CCDC30: variants seen among roughly 807,000 people sequenced by gnomAD.
CCDC30 encodes coiled-coil domain containing 30.
In CCDC30, 70 loss-of-function variants were observed where a neutral mutation model predicts 100.2. That is an observed-to-expected ratio of 0.70 (90% CI 0.58 to 0.85). CCDC30 has a LOEUF of 0.85. Among genes scored for constraint, CCDC30 ranks in the 40% least tolerant of loss-of-function variants. CCDC30 has a pLI of 0.00. For synonymous variants in CCDC30, 233 were observed against 269.5 expected, an observed-to-expected ratio of 0.86 and a Z score of 1.33; for missense variants, 652 against 771.2, an observed-to-expected ratio of 0.85 and a Z score of 1.83.
intron 11 of CCDC30, among the ~76,000 whole-genome samples, chr1:42,615,666 G>C (rs1316028809): frequency 1.3e-5 from 2 of 152,064 alleles, no homozygotes; most frequent in Non-Finnish European, 2.9e-5. Context: ...AGGAACAATG[G>C]GGATGCAAAT....
At chr1:42,656,698 A>G (rs1648675231), downstream of CCDC30, among the ~76,000 whole-genome samples, 1 of 152,212 alleles carries the variant, frequency 6.6e-6, no homozygotes, top group Non-Finnish European at 1.5e-5. Flanking sequence ...CTGTTTTCAT[A>G]GTCAAGTTAC....
exon 17 of CCDC30, chr1:42,654,049 A>G (rs1305372922): frequency 6.4e-7 from 1 of 1,571,136 alleles, no homozygotes; most frequent in Non-Finnish European, 8.8e-7. Context: ...GCCTAAAGCT[A>G]TACTGAACAA....
chr1:42,498,988 G>A, intron 6 of CCDC30, 72 bp downstream of exon 6: 1 of 716,916 alleles, frequency 1.4e-6, no homozygotes, highest in Non-Finnish European at 1.9e-6. Flanking sequence ...GTATACTAGA[G>A]TGATTGGTGC....
chr1:42,493,457 G>A (rs573598901), intron 4 of CCDC30, among the ~76,000 whole-genome samples: 54 of 152,106 alleles, frequency 3.6e-4, no homozygotes, highest in Admixed American at 1.2e-3. Context: ...GTGTGGTGGC[G>A]CATGCCTGTA....
chr1:42,469,716 A>T (rs1343367138), intron 1 of CCDC30, among the ~76,000 whole-genome samples: 1 of 152,036 alleles, frequency 6.6e-6, no homozygotes, highest in African/African-American at 2.4e-5. Flanking sequence ...AGAGGACAAG[A>T]TTGGTAAAGA....
At chr1:42,463,427 G>A (rs1643469718) in exon 1 of CCDC30, 1 of 152,286 alleles carries the variant, frequency 6.6e-6, no homozygotes, top group Non-Finnish European at 1.5e-5. Flanking sequence ...CCCCAAGGAG[G>A]AAAGCACCCA....
intron 3 of CCDC30, 54 bp from the exon 4 acceptor site, chr1:42,490,104 G>C (rs1644114513): frequency 3.0e-6 from 2 of 663,630 alleles, no homozygotes; most frequent in Non-Finnish European, 4.2e-6. Flanking sequence ...TTTGAAATTT[G>C]ATTATTATAC....
At chr1:42,642,021 C>A (rs2147313) in intron 12 of CCDC30, among the ~76,000 whole-genome samples, 71,957 of 151,768 alleles carry the variant, frequency 0.47, 17,205 homozygotes, top group South Asian at 0.55. Context: ...GTCAGGAGAT[C>A]GAGACCATCC....
chr1:42,556,104 C>G, intron 6 of CCDC30, 52 bp from the exon 10 acceptor site: 4 of 1,536,086 alleles, frequency 2.6e-6, no homozygotes, highest in Non-Finnish European at 3.5e-6. Context: ...TTTCCCGATT[C>G]TACTACTATA....
rs1042001336 is a variant in CCDC30 at position 42,607,570 on chromosome 1, A to G, written c.1165-3408A>G. ...CTTGTCTCTATAAAAAAAAAAAAAAAAAAGAAAGGAAGGAAGAAAATCATT... is the reference window on the plus strand; with the variant it reads ...CTTGTCTCTATAAAAAAAAAAAAAAGAAAGAAAGGAAGGAAGAAAATCATT... On this transcript the variant is annotated intron_variant, in intron 10 of 16. Transcript: ENST00000668663. Among the ~76,000 whole-genome samples the G allele has an allele frequency of 1.9e-3, 296 of 151,968 alleles. 1 individual carries two copies. Among genetic ancestry groups the G allele is most frequent in the African/African-American group, 4.7e-3 (194 of 41,466 alleles).
intron 1 of CCDC30, among the ~76,000 whole-genome samples, chr1:42,466,712 C>T (rs1047871604): frequency 2.0e-5 from 3 of 151,822 alleles, no homozygotes; most frequent in Admixed American, 6.6e-5. Context: ...CCACCATGCC[C>T]GGCTAATTTT....
intron 6 of CCDC30, among the ~76,000 whole-genome samples, chr1:42,520,345 T>G (rs1209540045): frequency 6.6e-6 from 1 of 151,876 alleles, no homozygotes; most frequent in African/African-American, 2.4e-5. Flanking sequence ...CTCTTTTTTT[T>G]TTTTGAGACA....
chr1:42,602,846 C>T (rs537206796), intron 10 of CCDC30, among the ~76,000 whole-genome samples: 1 of 152,146 alleles, frequency 6.6e-6, no homozygotes, highest in Admixed American at 6.5e-5. Flanking sequence ...AAGTACAGAC[C>T]AGTATCTCTC....
intron 1 of CCDC30, among the ~76,000 whole-genome samples, chr1:42,475,712 T>C (rs1445388706): frequency 6.6e-6 from 1 of 152,126 alleles, no homozygotes; most frequent in African/African-American, 2.4e-5. Flanking sequence ...TGTATGAGAG[T>C]GCAGGGTATT....
chr1:42,576,992 A>G (rs369885223), intron 7 of CCDC30, 28 bp from the exon 12 acceptor site: 1 of 1,514,428 alleles, frequency 6.6e-7, no homozygotes. Flanking sequence ...ACTTATTTGT[A>G]TTACTCTTAC....
chr1:42,517,712 A>G (rs1644577120), intron 6 of CCDC30, among the ~76,000 whole-genome samples: 1 of 152,180 alleles, frequency 6.6e-6, no homozygotes, highest in African/African-American at 2.4e-5. Flanking sequence ...AAATCATTCA[A>G]CAAAGAAAAG....
chr1:42,485,935 G>A (rs930635021), intron 3 of CCDC30, among the ~76,000 whole-genome samples: 9 of 152,122 alleles, frequency 5.9e-5, no homozygotes, highest in African/African-American at 1.9e-4. Context: ...ACCACAATGA[G>A]CGTCTACTTC....
intron 11 of CCDC30, among the ~76,000 whole-genome samples, chr1:42,613,925 T>C (rs1266389247): frequency 4.1e-5 from 6 of 147,018 alleles, no homozygotes; most frequent in South Asian, 4.1e-4. Flanking sequence ...TTTACCCAGC[T>C]TATTCAACAT....
At chr1:42,611,700 A>G (rs968469237) in intron 11 of CCDC30, among the ~76,000 whole-genome samples, 1 of 152,178 alleles carries the variant, frequency 6.6e-6, no homozygotes, top group Non-Finnish European at 1.5e-5. Flanking sequence ...TTTTTCAGAT[A>G]GGATCTCACT....
Sources: allele counts gnomAD v4.1 joint callset (sites outside exome capture counted in the v4.1 genomes callset), GRCh38; gene constraint gnomAD v4.1.1; transcripts MANE v1.5; gene names NCBI Gene and HGNC (gene_info 2026-07-23, HGNC 2026-07-21).